The following NDE1 variants were observed in gnomAD, a reference collection of about 807,000 sequenced individuals.
The protein encoded by NDE1 is nuclear distribution protein nudE homolog 1.
NDE1 carries 28 observed loss-of-function variants against 43.4 expected under a neutral mutation model. The observed-to-expected ratio is 0.65, with a 90% confidence interval of 0.48 to 0.89. NDE1 has a LOEUF of 0.89. Among genes scored for constraint, NDE1 ranks in the 40% least tolerant of loss-of-function variants. The pLI is 0.00. For synonymous variants in NDE1, 184 were observed against 172.0 expected (o/e 1.07, Z -0.55); for missense variants, 441 against 434.1 (o/e 1.02, Z -0.14).
intron 7 of NDE1, chr16:15,695,477 C>G: frequency 8.5e-6 from 8 of 937,066 alleles, no homozygotes; most frequent in Non-Finnish European, 9.8e-6. Flanking sequence ...CGCTGGGTGA[C>G]AAAGTGAGAC....
rs374798626 is a variant in NDE1, at chr16:15,704,700, CTGGTGTGAA to C, written c.947+7843_947+7851del. ...TTAAAAGGCGAGACAGCACCCCCTG[CTGGTGTGAA>C]TGTTCATGGACTGAGTTTTCCCCAC... is the stretch of plus-strand genomic sequence containing the variant. On this transcript the variant is annotated intron_variant, in intron 8 of 8. Transcript: ENST00000396354. 4.3e-3 allele frequency among the ~76,000 whole-genome samples: 652 copies of C among 152,312 alleles called. 1 individual carries two copies. Among genetic ancestry groups the C allele is most frequent in the African/African-American group, 0.013 (550 of 41,576 alleles).
At chr16:15,667,096 A>G (rs2037345163) in intron 2 of NDE1, among the ~76,000 whole-genome samples, 190 bp from the exon 3 acceptor site, 1 of 152,090 alleles carries the variant, frequency 6.6e-6, no homozygotes, top group Non-Finnish European at 1.5e-5. Flanking sequence ...AAATACAAAA[A>G]TTAGCTGGGT....
chr16:15,648,033 A>C (rs1471261516), upstream of NDE1, among the ~76,000 whole-genome samples: 20 of 94,004 alleles, frequency 2.1e-4, no homozygotes, highest in East Asian at 3.2e-3. Flanking sequence ...ACTCTGTCTC[A>C]CAAAAAAAAA....
chr16:15,675,491 C>T (rs1336073254), intron 3 of NDE1, among the ~76,000 whole-genome samples: 2 of 149,660 alleles, frequency 1.3e-5, no homozygotes, highest in Non-Finnish European at 1.5e-5. Flanking sequence ...GGCGGGAGTG[C>T]AGCGGCGTGA....
At chr16:15,705,323 C>G (rs895265218) in intron 8 of NDE1, among the ~76,000 whole-genome samples, 1 of 152,176 alleles carries the variant, frequency 6.6e-6, no homozygotes, top group Non-Finnish European at 1.5e-5. Context: ...ACACCCCTGT[C>G]TCTCCTTAAT....
rs2040044641 is a variant in NDE1, at chr16:15,715,058, G to A, written c.948-9133G>A. On this transcript the variant is annotated intron_variant, in intron 8 of 8. Coordinates refer to ENST00000396354, the MANE Select transcript of NDE1 (RefSeq NM_017668.3). ...CCTCCAGCTGCCTCTTGAGCTGCTT[G>A]ACCCTGGCATTGCCTTTCTCTGCCT... 4.3e-6 allele frequency: 7 copies of A among 1,613,462 alleles called. No homozygotes were observed. Among genetic ancestry groups the A allele is most frequent in the Non-Finnish European group, 5.9e-6 (7 of 1,180,008 alleles).
chr16:15,678,579 G>A (rs2051028043), intron 4 of NDE1, among the ~76,000 whole-genome samples: 1 of 152,040 alleles, frequency 6.6e-6, no homozygotes, highest in African/African-American at 2.4e-5. Context: ...TGGCCAGGCT[G>A]GTCTCAAACT....
At chr16:15,695,583 T>C (rs916282207) in intron 7 of NDE1, 4 of 985,188 alleles carry the variant, frequency 4.1e-6, no homozygotes, top group Non-Finnish European at 3.6e-6. Context: ...GGGATCCTTT[T>C]GTGCTTAAGT....
At chr16:15,718,112 A>G (rs1448464450) in intron 8 of NDE1, 5 of 771,006 alleles carry the variant, frequency 6.5e-6, no homozygotes, top group Non-Finnish European at 1.0e-5. Context: ...GAGACACTGC[A>G]GCGTGGAGAG....
exon 1 of NDE1, chr16:15,643,594 C>A: frequency 3.3e-6 from 1 of 301,512 alleles, no homozygotes; most frequent in South Asian, 2.6e-5. Context: ...TCTCTCGGGT[C>A]TCGTCACGTG....
Position 15,668,962 on chromosome 16 carries a change from C to T in NDE1, c.237+1523C>T, listed in dbSNP as rs1187091773. Among the ~76,000 whole-genome samples, 10 of 151,878 alleles carry T rather than the reference C, an allele frequency of 6.6e-5. 1 individual carries two copies. The highest frequency in any genetic ancestry group is 1.9e-4 in the African/African-American group (8 of 41,338). On this transcript the variant is annotated intron_variant, in intron 3 of 8. Transcript: ENST00000396354. Reference sequence around the variant, plus strand: ...TTGCCCAGGCTGGAGTGCAGTAGCGCGATCTCGGCTCACTGCAAGCTCCGC... The same window carrying T: ...TTGCCCAGGCTGGAGTGCAGTAGCGTGATCTCGGCTCACTGCAAGCTCCGC...
chr16:15,703,590 G>A (rs2039298957), intron 8 of NDE1: 1 of 332,966 alleles, frequency 3.0e-6, no homozygotes, highest in African/African-American at 2.1e-5. Flanking sequence ...GGTAGTAGGG[G>A]TGGTGGTGGT....
At chr16:15,703,711 C>T (rs2039304867) in intron 8 of NDE1, 1 of 469,950 alleles carries the variant, frequency 2.1e-6, no homozygotes, top group Non-Finnish European at 3.9e-6. Context: ...GGCTCAGCCT[C>T]CCTAGTAGCT....
chr16:15,687,508 A>G lies in NDE1; in HGVS notation c.520A>G (p.Arg174Gly). 1.2e-6 allele frequency: 2 copies of G among 1,613,724 alleles called. No homozygotes were observed. Among genetic ancestry groups the G allele is most frequent in the South Asian group, 2.2e-5 (2 of 91,068 alleles). ...ESVQRLKDEA[R>G]DLRQELAVQQ... ...TGTTCAGAGACTGAAGGATGAAGCCAGAGGTCAGGAGGCCTTGGTGTCTTC... is the reference window on the plus strand; with the variant it reads ...TGTTCAGAGACTGAAGGATGAAGCCGGAGGTCAGGAGGCCTTGGTGTCTTC... The change falls in exon 5 of 9, where the codon AGA becomes GGA. Residue 174 changes from arginine (R) to glycine (G), a missense_variant. Transcript: ENST00000396354.
intron 3 of NDE1, among the ~76,000 whole-genome samples, chr16:15,672,968 C>T (rs1182632523): frequency 2.6e-5 from 4 of 152,152 alleles, no homozygotes; most frequent in Non-Finnish European, 4.4e-5. Context: ...ATCCTTCCAA[C>T]GCTGTAAATC....
chr16:15,695,203 C>CTTTTTTTTTTTTTTTTT (rs71134451), intron 7 of NDE1, among the ~76,000 whole-genome samples: 3 of 79,688 alleles, frequency 3.8e-5, no homozygotes, highest in African/African-American at 5.5e-5. Flanking sequence ...AAACTGCCAC[C>CTTTTTTTTTTTTTTTTT]TTTTTTTTTT....
chr16:15,660,355 C>A (rs757887171), intron 1 of NDE1, among the ~76,000 whole-genome samples: 50 of 151,994 alleles, frequency 3.3e-4, no homozygotes, highest in Non-Finnish European at 4.6e-4. Context: ...TACCTGTAGT[C>A]CCAGCTAGTC....
rs1372132646 is a variant in NDE1 at position 15,717,160 on chromosome 16, C to T, written c.948-7031C>T. On this transcript the variant is annotated intron_variant, in intron 8 of 8. Transcript: ENST00000396354. ...CATACCTGGCCTCCTGCTCGACCTG[C>T]TCCTCCAGCTGTGCAATCTTGGCCT... The T allele has an allele frequency of 4.3e-6, 7 of 1,614,084 alleles. No homozygotes were observed. In the East Asian group the frequency reaches 1.6e-4, roughly 36 times the overall value.
chr16:15,697,064 T>C (rs2039050774), intron 8 of NDE1: 9 of 1,486,892 alleles, frequency 6.1e-6, no homozygotes, highest in Non-Finnish European at 8.0e-6. Flanking sequence ...GGTCTTGTTT[T>C]GTGAGACAGG....
Sources: allele counts gnomAD v4.1 joint callset (sites outside exome capture counted in the v4.1 genomes callset), GRCh38; gene constraint gnomAD v4.1.1; transcripts MANE v1.5; gene names NCBI Gene and HGNC (gene_info 2026-07-23, HGNC 2026-07-21).